The following LCORL variants were observed in gnomAD, a reference collection of about 807,000 sequenced individuals.
LCORL encodes the protein ligand dependent nuclear receptor corepressor like, also known as ligand-dependent nuclear receptor corepressor-like protein.
LCORL carries 41 observed loss-of-function variants against 141.8 expected under a neutral mutation model. The ratio of observed to expected loss-of-function variants is 0.29; its 90% CI spans 0.23 to 0.38. LCORL has a LOEUF of 0.38. LCORL is among the 10% of genes least tolerant of loss of function. The probability of loss-of-function intolerance (pLI) is 1.00; values close to 1 mark genes in which losing one functional copy is unlikely to be tolerated. For synonymous variants in LCORL, 618 were observed against 694.1 expected (o/e 0.89, Z 1.72); for missense variants, 1,759 against 2,035.0 (o/e 0.86, Z 2.61).
chr4:17,867,666 A>T (rs569794073), intron 7 of LCORL, among the ~76,000 whole-genome samples: 69 of 152,338 alleles, frequency 4.5e-4, no homozygotes, highest in Non-Finnish European at 7.9e-4. Context: ...TGACTTGAAC[A>T]TCTAACACAA....
At chr4:17,916,602 TACAG>T (rs1733454276) in intron 4 of LCORL, among the ~76,000 whole-genome samples, 1 of 151,962 alleles carries the variant, frequency 6.6e-6, no homozygotes, top group Non-Finnish European at 1.5e-5. Context: ...TGCACAGACT[TACAG>T]ACTGCAAAAG....
At position 17,884,556 on chromosome 4, in the gene LCORL, T is replaced by C; in HGVS notation, c.776+1512A>G. 6.5e-7 allele frequency: 1 copy of C among 1,536,072 alleles called. No individual in the cohort carries two copies. Among genetic ancestry groups the C allele is most frequent in the Non-Finnish European group, 8.8e-7 (1 of 1,142,118 alleles). Reference sequence around the variant, plus strand: ...CTATCATGGAAATCTCGAGTTTTGTTTTTAAAAGATGCAGGCTTCCCTGCT... The same window carrying C: ...CTATCATGGAAATCTCGAGTTTTGTCTTTAAAAGATGCAGGCTTCCCTGCT... On this transcript the variant is annotated intron_variant, in intron 6 of 7. Transcript: ENST00000635767. This position sits in a 1 kb window ranked among gnomAD's most constrained non-coding sequence, Gnocchi z 4.4.
chr4:17,911,302 G>A (rs913690264), intron 4 of LCORL, among the ~76,000 whole-genome samples: 5 of 151,972 alleles, frequency 3.3e-5, no homozygotes, highest in East Asian at 1.9e-4. Context: ...GTAAAAGTAC[G>A]AGGGGTCTTC....
intron 7 of LCORL, among the ~76,000 whole-genome samples, chr4:17,869,045 T>C (rs1174751792): frequency 7.2e-5 from 6 of 82,774 alleles, no homozygotes; most frequent in Admixed American, 1.1e-4. Flanking sequence ...TCCCACTACC[T>C]TTTTTTTTTT....
intron 1 of LCORL, among the ~76,000 whole-genome samples, chr4:17,975,521 T>C (rs1716775186): frequency 6.6e-6 from 1 of 151,968 alleles, no homozygotes; most frequent in Admixed American, 6.6e-5. Flanking sequence ...CTCAGCCTCC[T>C]GAGGAGCTAG....
At chr4:17,972,742 G>T in intron 2 of LCORL, 78 bp downstream of exon 2, 1 of 528,330 alleles carries the variant, frequency 1.9e-6, no homozygotes, top group Non-Finnish European at 3.1e-6. Flanking sequence ...TTAATATAAA[G>T]TTAGTATAGA....
At chr4:17,908,530 C>A (rs1215390313) in intron 5 of LCORL, among the ~76,000 whole-genome samples, 1 of 152,188 alleles carries the variant, frequency 6.6e-6, no homozygotes, top group Non-Finnish European at 1.5e-5. Flanking sequence ...CTTCTTCTTG[C>A]CTTTCCTCTG....
intron 6 of LCORL, chr4:17,883,296 A>T: frequency 3.0e-6 from 3 of 991,024 alleles, no homozygotes; most frequent in Non-Finnish European, 3.6e-6. Context: ...GTTGTATAGA[A>T]TGTTTATAAA....
chr4:17,990,537 G>A (rs950551838), intron 1 of LCORL, among the ~76,000 whole-genome samples: 3 of 151,998 alleles, frequency 2.0e-5, no homozygotes, highest in Non-Finnish European at 2.9e-5. Context: ...GGTTGGTCTT[G>A]AGGGCTGTCT....
At chr4:17,927,883 GCAAA>G (rs1735407837) in intron 4 of LCORL, among the ~76,000 whole-genome samples, 1 of 152,130 alleles carries the variant, frequency 6.6e-6, no homozygotes. Flanking sequence ...GGAAAACGGC[GCAAA>G]CAGACTTGTT....
intron 1 of LCORL, among the ~76,000 whole-genome samples, chr4:18,018,370 T>C (rs1724946957): frequency 6.6e-6 from 1 of 152,072 alleles, no homozygotes; most frequent in Admixed American, 6.5e-5. Flanking sequence ...ATAGGATAAT[T>C]ATAGAAAAAC....
At chr4:17,989,420 T>C (rs1170302986) in intron 1 of LCORL, among the ~76,000 whole-genome samples, 2 of 152,196 alleles carry the variant, frequency 1.3e-5, no homozygotes, top group African/African-American at 2.4e-5. Flanking sequence ...GGGAAAGAGA[T>C]GGACAGTGTC....
At chr4:17,970,073 C>T (rs1715640633) in intron 2 of LCORL, among the ~76,000 whole-genome samples, 2 of 152,124 alleles carry the variant, frequency 1.3e-5, no homozygotes, top group South Asian at 4.1e-4. Context: ...CTATCACTTC[C>T]TTAACTTAAA....
intron 4 of LCORL, among the ~76,000 whole-genome samples, chr4:17,957,489 G>T (rs932224088): frequency 6.6e-6 from 1 of 151,924 alleles, no homozygotes; most frequent in East Asian, 1.9e-4. Context: ...AAAGAATTTG[G>T]GTGATTGTAA....
intron 4 of LCORL, among the ~76,000 whole-genome samples, chr4:17,949,935 A>G (rs1352187474): frequency 2.0e-5 from 3 of 152,188 alleles, no homozygotes; most frequent in African/African-American, 4.8e-5. Flanking sequence ...GAAAAACTAC[A>G]GTATTGACAA....
intron 4 of LCORL, among the ~76,000 whole-genome samples, chr4:17,909,850 TTTC>T (rs1242077818): frequency 2.0e-5 from 3 of 152,166 alleles, no homozygotes; most frequent in Non-Finnish European, 2.9e-5. Context: ...CATCAAGGAT[TTTC>T]TTTTGATTTT....
chr4:17,887,688 CAG>C (rs768183685), intron 5 of LCORL, among the ~76,000 whole-genome samples: 8 of 152,124 alleles, frequency 5.3e-5, no homozygotes, highest in Non-Finnish European at 1.0e-4. Context: ...TTCATTCTGA[CAG>C]AGACAGGAAG....
chr4:17,889,968 A>G (rs372340378), intron 5 of LCORL, among the ~76,000 whole-genome samples: 9 of 152,098 alleles, frequency 5.9e-5, no homozygotes, highest in African/African-American at 2.2e-4. Context: ...CCAGCATGCT[A>G]TTACAAGATA....
intron 7 of LCORL, among the ~76,000 whole-genome samples, chr4:17,850,717 T>C (rs1723560978): frequency 6.6e-6 from 1 of 151,610 alleles, no homozygotes; most frequent in Non-Finnish European, 1.5e-5. Context: ...GAAGTCAGTG[T>C]GGCGATTCCT....
Sources: gnomAD v4.1 joint callset for allele counts (sites outside exome capture counted in the v4.1 genomes callset) on GRCh38, gnomAD v4.1.1 for gene constraint, Gnocchi (gnomAD v3.1) non-coding constraint, MANE v1.5 for transcripts, NCBI Gene and HGNC (gene_info 2026-07-23, HGNC 2026-07-21) for gene names.